Variants in GPC6 observed in about 807,000 individuals in gnomAD.
The protein encoded by GPC6 is glypican 6.
Under a neutral mutation model 55.2 loss-of-function variants are expected in GPC6, and 14 were observed. The ratio of observed to expected loss-of-function variants is 0.25; its 90% CI spans 0.17 to 0.40. The LOEUF (loss-of-function observed/expected upper bound fraction) is 0.40. GPC6 is among the 10% of genes least tolerant of loss of function. The pLI, the probability that GPC6 is intolerant of heterozygous loss-of-function variation, is 1.00. For missense variants in GPC6, 641 were observed against 708.5 expected (o/e 0.90, Z 1.08); for synonymous variants, 278 against 259.6 (o/e 1.07, Z -0.68).
At chr13:93,744,915 C>A (rs896249614) in intron 2 of GPC6, among the ~76,000 whole-genome samples, 1 of 150,628 alleles carries the variant, frequency 6.6e-6, no homozygotes, top group South Asian at 2.1e-4. Flanking sequence ...CCAGTGTGGG[C>A]AACAGAGCAA....
At chr13:94,276,040 A>G (rs1006264812) in intron 4 of GPC6, among the ~76,000 whole-genome samples, 4 of 152,232 alleles carry the variant, frequency 2.6e-5, no homozygotes, top group African/African-American at 7.2e-5. Flanking sequence ...TCAACATTTT[A>G]TAAGCCCATA....
intron 1 of GPC6, among the ~76,000 whole-genome samples, chr13:93,389,077 G>C (rs1364109378): frequency 6.6e-6 from 1 of 152,018 alleles, no homozygotes; most frequent in African/African-American, 2.4e-5. Flanking sequence ...AATGATGTGG[G>C]GTGAGATTTA....
intron 1 of GPC6, among the ~76,000 whole-genome samples, chr13:93,474,354 T>C (rs1879229569): frequency 6.6e-6 from 1 of 152,268 alleles, no homozygotes; most frequent in South Asian, 2.1e-4. Context: ...TTTAGGGAGC[T>C]GTAGATGAGC....
chr13:93,561,723 T>C lies in GPC6; in HGVS notation c.319+16302T>C, dbSNP rs571289271. Reference sequence around the variant, plus strand: ...CAACCCCCAGTTGGAGATAGTCATATGTGTTTCAATTAAAATATCCATTTA... The same window carrying C: ...CAACCCCCAGTTGGAGATAGTCATACGTGTTTCAATTAAAATATCCATTTA... On this transcript the variant is annotated intron_variant, in intron 2 of 8. Coordinates refer to ENST00000377047, the MANE Select transcript of GPC6 (RefSeq NM_005708.5). Among the ~76,000 whole-genome samples, 4 of 152,242 alleles carry C rather than the reference T, an allele frequency of 2.6e-5. No homozygotes were observed. The Middle Eastern group carries it at 0.01, about 388-fold the overall frequency.
chr13:93,496,417 C>A (rs2139365578), intron 1 of GPC6, among the ~76,000 whole-genome samples: 1 of 152,332 alleles, frequency 6.6e-6, no homozygotes, highest in Non-Finnish European at 1.5e-5. Flanking sequence ...CTGTCTGGCA[C>A]TCCCTAGGGA....
intron 1 of GPC6, among the ~76,000 whole-genome samples, chr13:93,312,822 G>A (rs192818517): frequency 3.3e-5 from 5 of 152,198 alleles, no homozygotes; most frequent in Admixed American, 6.5e-5. Flanking sequence ...AAAACCTGAT[G>A]TGCCTAAGTA....
intron 1 of GPC6, among the ~76,000 whole-genome samples, chr13:93,396,373 G>A (rs1224058853): frequency 2.0e-5 from 3 of 152,066 alleles, no homozygotes; most frequent in African/African-American, 4.8e-5. Context: ...GACCAGCCTG[G>A]CCAATACGGT....
intron 2 of GPC6, among the ~76,000 whole-genome samples, chr13:93,677,304 T>C (rs892305127): frequency 2.0e-5 from 3 of 152,146 alleles, no homozygotes; most frequent in African/African-American, 7.2e-5. Flanking sequence ...TTCTTATAAG[T>C]ATAGTTATCC....
At chr13:93,616,631 T>C (rs1878735137) in intron 2 of GPC6, among the ~76,000 whole-genome samples, 1 of 152,100 alleles carries the variant, frequency 6.6e-6, no homozygotes, top group Non-Finnish European at 1.5e-5. Flanking sequence ...TCCCTTACAA[T>C]GTAACTAAAA....
At chr13:93,799,071 T>C (rs1886292810) in intron 2 of GPC6, among the ~76,000 whole-genome samples, 1 of 152,170 alleles carries the variant, frequency 6.6e-6, no homozygotes, top group Non-Finnish European at 1.5e-5. Flanking sequence ...GAACACCTAA[T>C]CTGCTACTAA....
intron 1 of GPC6, among the ~76,000 whole-genome samples, chr13:93,465,994 T>A (rs1878889938): frequency 6.6e-6 from 1 of 152,138 alleles, no homozygotes; most frequent in Non-Finnish European, 1.5e-5. Context: ...GGCTGGTTGA[T>A]AGACCAGTCA....
intron 4 of GPC6, among the ~76,000 whole-genome samples, chr13:94,032,588 G>A (rs1883183181): frequency 6.6e-6 from 1 of 152,180 alleles, no homozygotes; most frequent in Admixed American, 6.6e-5. Flanking sequence ...CTATGATCAA[G>A]TCTCACCTGC....
chr13:94,223,424 A>G (rs773176864), intron 4 of GPC6, among the ~76,000 whole-genome samples: 3 of 152,174 alleles, frequency 2.0e-5, no homozygotes, highest in Non-Finnish European at 4.4e-5. Flanking sequence ...GTTCGATATC[A>G]TTGTGCTCAT....
intron 2 of GPC6, among the ~76,000 whole-genome samples, chr13:93,827,246 C>G (rs955632256): frequency 6.6e-6 from 1 of 152,154 alleles, no homozygotes; most frequent in African/African-American, 2.4e-5. Flanking sequence ...TTTGTTCTCT[C>G]TGATGTTGCT....
chr13:93,512,319 A>G (rs1006996928), intron 1 of GPC6, among the ~76,000 whole-genome samples: 2 of 152,038 alleles, frequency 1.3e-5, no homozygotes, highest in Non-Finnish European at 2.9e-5. Flanking sequence ...TGTTTGTCAT[A>G]TATGGCCTTT....
chr13:94,374,186 A>G (rs1354626455), intron 6 of GPC6, among the ~76,000 whole-genome samples: 1 of 150,730 alleles, frequency 6.6e-6, no homozygotes, highest in Non-Finnish European at 1.5e-5. Context: ...CTAACATCAT[A>G]ATGACAGGAT....
At chr13:93,445,282 T>C (rs1227118966) in intron 1 of GPC6, among the ~76,000 whole-genome samples, 1 of 152,206 alleles carries the variant, frequency 6.6e-6, no homozygotes, top group Non-Finnish European at 1.5e-5. Context: ...TACAGAGTAG[T>C]TATCTGAGTG....
chr13:93,756,864 G>A (rs1211140071), intron 2 of GPC6, among the ~76,000 whole-genome samples: 1 of 152,134 alleles, frequency 6.6e-6, no homozygotes, highest in East Asian at 1.9e-4. Context: ...ACTGTGAGCA[G>A]TAACACTGTC....
chr13:93,699,145 T>C (rs1882581550), intron 2 of GPC6, among the ~76,000 whole-genome samples: 1 of 152,102 alleles, frequency 6.6e-6, no homozygotes, highest in African/African-American at 2.4e-5. Flanking sequence ...CCCAGAAGGA[T>C]ACCACATACT....
Sources: allele counts gnomAD v4.1 joint callset (sites outside exome capture counted in the v4.1 genomes callset), GRCh38; gene constraint gnomAD v4.1.1; transcripts MANE v1.5; gene names NCBI Gene and HGNC (gene_info 2026-07-23, HGNC 2026-07-21).